The following FLI1 variants were observed in gnomAD, a reference collection of about 807,000 sequenced individuals.
FLI1 encodes the protein Fli-1 proto-oncogene, ETS transcription factor, also known as Friend leukemia integration 1 transcription factor.
FLI1 carries 13 observed loss-of-function variants against 53.1 expected under a neutral mutation model. That is an observed-to-expected ratio of 0.24 (90% CI 0.16 to 0.39). The LOEUF (loss-of-function observed/expected upper bound fraction) is 0.39, where lower values mean the gene tolerates loss of function less well. FLI1 is among the 10% of genes least tolerant of loss of function. The probability of loss-of-function intolerance (pLI) is 1.00; values close to 1 mark genes in which losing one functional copy is unlikely to be tolerated. For missense variants in FLI1, 424 were observed against 600.5 expected, an observed-to-expected ratio of 0.71 and a Z score of 3.07; for synonymous variants, 244 against 236.7, an observed-to-expected ratio of 1.03 and a Z score of -0.28.
rs888032186 is a variant in FLI1, at chr11:128,759,232, G to T, written c.230+906G>T. 2.6e-5 allele frequency among the ~76,000 whole-genome samples: 4 copies of T among 152,322 alleles called. No homozygotes were observed. In the East Asian group the frequency reaches 7.7e-4, roughly 29 times the overall value. ...TACTGGGCCAAAGGCACAAAGAGAT[G>T]AAAATAAAAAGCAACAGAGGGCCCT... On this transcript the variant is annotated intron_variant, in intron 2 of 8. Transcript: ENST00000527786.
intron 1 of FLI1, among the ~76,000 whole-genome samples, chr11:128,744,977 T>A (rs779260129): frequency 1.3e-5 from 2 of 152,176 alleles, no homozygotes; most frequent in Non-Finnish European, 2.9e-5. Flanking sequence ...GGAGACTTCC[T>A]GGAGGAGGCA....
At chr11:128,769,344 A>T (rs913648061) in intron 3 of FLI1, among the ~76,000 whole-genome samples, 2 of 152,248 alleles carry the variant, frequency 1.3e-5, no homozygotes, top group Non-Finnish European at 1.5e-5. Flanking sequence ...TGATCTTACC[A>T]AAATAACTTT....
chr11:128,805,653 G>A lies in FLI1; in HGVS notation c.721+222G>A, dbSNP rs544674684. 8.8e-4 allele frequency: 441 copies of A among 501,440 alleles called. 4 individuals carry two copies. The South Asian group carries it at 0.013, about 14-fold the overall frequency. The allele number at this position is 501,440 out of a possible 1,614,324, so 31.1% of individuals were successfully genotyped here. ...TTTGAGTTTTGTTTTATTGCGCTCG[G>A]TTTTAGAACATGGGAAATTTGAAGG... On this transcript the variant is annotated intron_variant, in intron 6 of 8. Transcript: ENST00000527786.
rs1371079260 is a variant in FLI1 at position 128,811,543 on chromosome 11, T to G, written c.*555T>G. 8.7e-6 allele frequency: 2 copies of G among 230,160 alleles called. No individual in the cohort carries two copies. The highest frequency in any genetic ancestry group is 1.7e-5 in the Non-Finnish European group (2 of 117,034). 14.3% of individuals were successfully genotyped at this position (230,160 alleles called of 1,614,324 possible). ...GAATTTGATGGAAAGAAGGTTTGTGTGTTTAAGACGCCAAGGGCATTGCAG... is the reference window on the plus strand; with the variant it reads ...GAATTTGATGGAAAGAAGGTTTGTGGGTTTAAGACGCCAAGGGCATTGCAG... On this transcript the variant is annotated 3_prime_UTR_variant, in exon 9 of 9. Coordinates refer to ENST00000527786, the MANE Select transcript of FLI1 (RefSeq NM_002017.5).
chr11:128,795,742 T>C (rs1017457840), intron 5 of FLI1, among the ~76,000 whole-genome samples: 40 of 152,144 alleles, frequency 2.6e-4, no homozygotes, highest in African/African-American at 9.4e-4. Context: ...AGTAGAGACA[T>C]GGTTTCACCA....
At chr11:128,801,981 G>A (rs559342130) in intron 5 of FLI1, among the ~76,000 whole-genome samples, 8 of 152,276 alleles carry the variant, frequency 5.3e-5, no homozygotes, top group Middle Eastern at 3.4e-3. Flanking sequence ...AGGGAGTTGC[G>A]GGGAGGAGGG....
upstream of FLI1, among the ~76,000 whole-genome samples, chr11:128,692,334 C>T (rs1171441901): frequency 6.6e-6 from 1 of 152,138 alleles, no homozygotes; most frequent in Non-Finnish European, 1.5e-5. Context: ...ACCCCGCTAG[C>T]GGTAACCAGA....
chr11:128,709,502 C>T (rs1938696089), intron 1 of FLI1, among the ~76,000 whole-genome samples: 1 of 152,258 alleles, frequency 6.6e-6, no homozygotes, highest in Middle Eastern at 3.4e-3. Flanking sequence ...GATCAAACAT[C>T]CCATATTCCT....
intron 1 of FLI1, among the ~76,000 whole-genome samples, chr11:128,744,513 C>T (rs868770536): frequency 9.2e-5 from 14 of 152,202 alleles, no homozygotes; most frequent in South Asian, 2.1e-4. Flanking sequence ...AAAAAGGAAA[C>T]TGAGGCATGG....
chr11:128,805,369 C>A lies in FLI1; in HGVS notation c.659C>A (p.Pro220His). ...CCTATTTGTTATTGTTCATTAGACC[C>A]TTCTTATGACTCAGTCAGAAGAGGA... ...QSSRLSVKED[P>H]SYDSVRRGAW... Residue 220 changes from proline to histidine, a missense_variant, in exon 6 of 9, where the codon CCT (proline) becomes CAT (histidine). Pro to His is a moderately conservative substitution (Grantham distance 77). This residue lies in a region of FLI1 where 114 missense variants were observed against 117.9 expected (regional missense o/e 0.97). Transcript: ENST00000527786. 6.3e-7 allele frequency: 1 copy of A among 1,579,920 alleles called. No homozygotes were observed. The highest frequency in any genetic ancestry group is 8.6e-7 in the Non-Finnish European group (1 of 1,158,320).
At chr11:128,765,770 G>C (rs1246418060) in intron 2 of FLI1, among the ~76,000 whole-genome samples, 1 of 152,172 alleles carries the variant, frequency 6.6e-6, no homozygotes, top group Admixed American at 6.5e-5. Flanking sequence ...ATGTGCGTGA[G>C]TGTGTGTGTA....
intron 1 of FLI1, among the ~76,000 whole-genome samples, chr11:128,750,799 A>T (rs1940612218): frequency 6.6e-6 from 1 of 152,256 alleles, no homozygotes; most frequent in Admixed American, 6.5e-5. Flanking sequence ...TAAGTATAAC[A>T]AGAAAAGATG....
intron 5 of FLI1, among the ~76,000 whole-genome samples, chr11:128,788,286 A>G (rs1191939564): frequency 2.0e-5 from 3 of 151,732 alleles, no homozygotes; most frequent in Non-Finnish European, 4.4e-5. Flanking sequence ...CTTGGCCAAC[A>G]TGGTGAAACC....
At chr11:128,795,300 A>G (rs1000931360) in intron 5 of FLI1, among the ~76,000 whole-genome samples, 6 of 152,166 alleles carry the variant, frequency 3.9e-5, no homozygotes, top group Non-Finnish European at 7.3e-5. Flanking sequence ...CACCTCATTC[A>G]CAGGCTATTT....
At chr11:128,755,676 A>G (rs370555976) in intron 1 of FLI1, among the ~76,000 whole-genome samples, 23 of 152,364 alleles carry the variant, frequency 1.5e-4, no homozygotes, top group South Asian at 6.2e-4. Flanking sequence ...TCTGACAAGC[A>G]CAGCTTTACT....
At chr11:128,800,220 C>T (rs2284788) in intron 5 of FLI1, among the ~76,000 whole-genome samples, 10,226 of 152,294 alleles carry the variant, frequency 0.067, 559 homozygotes, top group East Asian at 0.26. Context: ...GAAAGGTCTG[C>T]ATTCAGAAGC....
intron 1 of FLI1, among the ~76,000 whole-genome samples, chr11:128,738,603 T>A (rs1940003064): frequency 6.6e-6 from 1 of 152,256 alleles, no homozygotes; most frequent in African/African-American, 2.4e-5. Context: ...CACTTCAAGC[T>A]GTGTGACATT....
chr11:128,812,358 A>C lies in FLI1; in HGVS notation c.*1370A>C, dbSNP rs1218631469. On this transcript the variant is annotated 3_prime_UTR_variant, in exon 9 of 9. Transcript: ENST00000527786. ...AACTATATTAAGTGTTAAGCTGACA[A>C]CTGTCAAAGAAGACCATGTTGTAAA... The C allele has an allele frequency of 2.3e-5, 5 of 221,668 alleles. No individual in the cohort carries two copies. 13.7% of individuals were successfully genotyped at this position (221,668 alleles called of 1,614,324 possible).
chr11:128,741,320 G>A (rs1940129904), intron 1 of FLI1, among the ~76,000 whole-genome samples: 1 of 152,198 alleles, frequency 6.6e-6, no homozygotes, highest in Non-Finnish European at 1.5e-5. Context: ...TTGAACCCGG[G>A]AGGCAGAGGT....
Sources: allele counts gnomAD v4.1 joint callset (sites outside exome capture counted in the v4.1 genomes callset), GRCh38; gene constraint gnomAD v4.1.1; regional missense constraint gnomAD v4.1.1; transcripts MANE v1.5; gene names NCBI Gene and HGNC (gene_info 2026-07-23, HGNC 2026-07-21).